The following GRM5 variants were observed in gnomAD, a reference collection of about 807,000 sequenced individuals.
GRM5 encodes the protein glutamate metabotropic receptor 5.
GRM5 carries 19 observed loss-of-function variants against 83.1 expected under a neutral mutation model. The observed-to-expected ratio is 0.23, with a 90% CI of 0.16 to 0.34. The LOEUF (loss-of-function observed/expected upper bound fraction) is 0.34. Ranked by LOEUF, GRM5 falls within the 10% of genes least tolerant of loss-of-function variation. The probability of loss-of-function intolerance (pLI) is 1.00; values close to 1 mark genes in which losing one functional copy is unlikely to be tolerated. For missense variants in GRM5, 1,160 were observed against 1,588.3 expected (o/e 0.73, Z 4.58); for synonymous variants, 675 against 633.6 (o/e 1.07, Z -0.98).
chr11:89,028,374 G>C (rs1266545757), intron 2 of GRM5, among the ~76,000 whole-genome samples: 1 of 152,136 alleles, frequency 6.6e-6, no homozygotes, highest in African/African-American at 2.4e-5. Context: ...CTTGTGTCCA[G>C]GAGTTTGAGG....
intron 3 of GRM5, among the ~76,000 whole-genome samples, chr11:88,655,731 ATGT>A (rs1939751400): frequency 6.9e-6 from 1 of 144,446 alleles, no homozygotes; most frequent in Non-Finnish European, 1.5e-5. Context: ...GAAAACTATG[ATGT>A]TTTATTATTA....
chr11:88,739,602 C>T (rs1052552046), intron 3 of GRM5, among the ~76,000 whole-genome samples: 1 of 151,886 alleles, frequency 6.6e-6, no homozygotes, highest in African/African-American at 2.4e-5. Context: ...ATTATGGGGG[C>T]GGGTTGTCCC....
At chr11:88,654,882 C>T (rs181021759) in intron 3 of GRM5, among the ~76,000 whole-genome samples, 3 of 151,818 alleles carry the variant, frequency 2.0e-5, no homozygotes, top group Admixed American at 1.3e-4. Flanking sequence ...AAAGCATGCA[C>T]TTTTTTCAGT....
At chr11:88,640,711 A>G (rs983045442) in intron 4 of GRM5, among the ~76,000 whole-genome samples, 2 of 152,154 alleles carry the variant, frequency 1.3e-5, no homozygotes, top group Non-Finnish European at 2.9e-5. Context: ...ACTCATAGAA[A>G]CTTACATTTA....
intron 2 of GRM5, among the ~76,000 whole-genome samples, chr11:88,915,889 G>A (rs1297405809): frequency 6.6e-6 from 1 of 152,142 alleles, no homozygotes; most frequent in African/African-American, 2.4e-5. Flanking sequence ...CTACAAAACT[G>A]AAGGCCGAAT....
intron 2 of GRM5, among the ~76,000 whole-genome samples, chr11:88,938,119 C>A (rs1937961420): frequency 6.6e-6 from 1 of 151,602 alleles, no homozygotes; most frequent in Non-Finnish European, 1.5e-5. Flanking sequence ...TTATTCATTT[C>A]ACAATGTGTA....
chr11:88,701,341 C>T (rs931908871), intron 3 of GRM5, among the ~76,000 whole-genome samples: 1 of 152,088 alleles, frequency 6.6e-6, no homozygotes, highest in Non-Finnish European at 1.5e-5. Context: ...CTAAGAAGGA[C>T]ATGGTGATCA....
intron 8 of GRM5, among the ~76,000 whole-genome samples, chr11:88,544,683 C>A (rs1485211328): frequency 3.3e-5 from 5 of 152,318 alleles, no homozygotes; most frequent in East Asian, 1.9e-4. Flanking sequence ...CCTTTTCCTG[C>A]TCCTACAGTC....
chr11:88,609,999 C>T (rs1938270354), intron 4 of GRM5, among the ~76,000 whole-genome samples: 1 of 152,142 alleles, frequency 6.6e-6, no homozygotes, highest in Admixed American at 6.6e-5. Flanking sequence ...AGTCCTTTCC[C>T]CACTGTTTGT....
chr11:89,004,822 A>C (rs972520405), intron 2 of GRM5, among the ~76,000 whole-genome samples: 1 of 152,218 alleles, frequency 6.6e-6, no homozygotes, highest in African/African-American at 2.4e-5. Context: ...CAATTATTTA[A>C]TCCCATATGC....
At chr11:88,590,486 T>C (rs1565351058) in intron 7 of GRM5, 115 bp downstream of exon 7, 2 of 778,532 alleles carry the variant, frequency 2.6e-6, no homozygotes, top group Non-Finnish European at 4.2e-6. Context: ...AGGAAATTAT[T>C]TGTTCCATAA....
chr11:88,866,817 G>C (rs673022), intron 2 of GRM5, among the ~76,000 whole-genome samples: 19 of 151,838 alleles, frequency 1.3e-4, no homozygotes, highest in African/African-American at 4.4e-4. Context: ...CTAGGTTTTC[G>C]TCTAGAGTTT....
chr11:88,976,720 A>G (rs1295337899), intron 2 of GRM5, among the ~76,000 whole-genome samples: 1 of 152,156 alleles, frequency 6.6e-6, no homozygotes, highest in African/African-American at 2.4e-5. Context: ...GAGCATCCAG[A>G]GTAAGTTTTT....
At chr11:88,862,988 G>A (rs1276104732) in intron 2 of GRM5, among the ~76,000 whole-genome samples, 1 of 152,174 alleles carries the variant, frequency 6.6e-6, no homozygotes, top group East Asian at 1.9e-4. Context: ...AGATATTTAT[G>A]CAGCCAACAA....
chr11:88,597,836 A>G (rs1387462088), intron 5 of GRM5, among the ~76,000 whole-genome samples: 1 of 152,102 alleles, frequency 6.6e-6, no homozygotes, highest in Non-Finnish European at 1.5e-5. Context: ...ATCAATGGCT[A>G]AATTCATTGT....
At chr11:88,698,888 A>T (rs74950924) in intron 3 of GRM5, among the ~76,000 whole-genome samples, 111 of 152,318 alleles carry the variant, frequency 7.3e-4, no homozygotes, top group African/African-American at 2.5e-3. Context: ...TTATGAATGT[A>T]TGGTGGATTG....
chr11:88,646,539 G>A (rs1234246687), intron 4 of GRM5, among the ~76,000 whole-genome samples: 3 of 151,768 alleles, frequency 2.0e-5, no homozygotes, highest in Non-Finnish European at 4.4e-5. Flanking sequence ...GACATTGTAA[G>A]TGACAAGCTT....
chr11:88,960,278 C>T (rs1938742614), intron 2 of GRM5, among the ~76,000 whole-genome samples: 2 of 152,004 alleles, frequency 1.3e-5, no homozygotes, highest in African/African-American at 4.8e-5. Context: ...AGAACAGAGA[C>T]ATTATCCAAT....
chr11:88,922,242 T>A (rs562135871), intron 2 of GRM5, among the ~76,000 whole-genome samples: 3 of 152,206 alleles, frequency 2.0e-5, no homozygotes, highest in African/African-American at 7.2e-5. Flanking sequence ...ATTCTAAAAT[T>A]TATGTGGAAC....
Sources: allele counts gnomAD v4.1 joint callset (sites outside exome capture counted in the v4.1 genomes callset), GRCh38; gene constraint gnomAD v4.1.1; transcripts MANE v1.5; gene names NCBI Gene and HGNC (gene_info 2026-07-23, HGNC 2026-07-21).